Variants in CDK12 observed in about 807,000 individuals in gnomAD.
The protein encoded by CDK12 is cyclin-dependent kinase 12.
CDK12 carries 17 observed loss-of-function variants against 133.8 expected under a neutral mutation model. The ratio of observed to expected loss-of-function variants is 0.13; its 90% CI spans 0.09 to 0.19. The LOEUF is 0.19. Among genes scored for constraint, CDK12 ranks in the 10% least tolerant of loss-of-function variants. The pLI is 1.00. For synonymous variants in CDK12, 694 were observed against 683.6 expected, an observed-to-expected ratio of 1.02 and a Z score of -0.24; for missense variants, 1,508 against 1,818.7, an observed-to-expected ratio of 0.83 and a Z score of 3.11.
rs751543220 is a variant in CDK12 at position 39,533,012 on chromosome 17, T to A, written c.*1696T>A. On this transcript the variant is annotated 3_prime_UTR_variant, in exon 14 of 14. Coordinates refer to ENST00000447079, the MANE Select transcript of CDK12 (RefSeq NM_016507.4). Reference sequence around the variant, plus strand: ...TAGTTTTCAAAACTCAAGTTTCATGTTTCAATGCCAAGTTCTTATTTTAAA... The same window carrying A: ...TAGTTTTCAAAACTCAAGTTTCATGATTCAATGCCAAGTTCTTATTTTAAA... 6 of 232,822 alleles carry A rather than the reference T, an allele frequency of 2.6e-5. No individual in the cohort carries two copies. Among genetic ancestry groups the A allele is most frequent in the Non-Finnish European group, 5.1e-5 (6 of 117,848 alleles). The allele number at this position is 232,822 out of a possible 1,614,324, so 14.4% of individuals were successfully genotyped here. A position where few individuals can be genotyped will look rare whatever the true frequency, so the allele number is the denominator to read the frequency against.
At chr17:39,566,215 T>C (rs2056568592), downstream of CDK12, among the ~76,000 whole-genome samples, 1 of 152,158 alleles carries the variant, frequency 6.6e-6, no homozygotes, top group South Asian at 2.1e-4. Flanking sequence ...AAGGTCTGAT[T>C]GCTAGGGAGA....
chr17:39,493,033 C>T (rs921688502), intron 4 of CDK12, 143 bp downstream of exon 4: 5 of 725,290 alleles, frequency 6.9e-6, no homozygotes, highest in African/African-American at 3.6e-5. Context: ...AGTCTTGCTC[C>T]CCAGGCTGGA....
intron 2 of CDK12, among the ~76,000 whole-genome samples, chr17:39,473,314 A>C (rs1567691049): frequency 6.6e-6 from 1 of 152,232 alleles, no homozygotes; most frequent in African/African-American, 2.4e-5. Context: ...AATAATATGT[A>C]AAGTATTTGC....
intron 3 of CDK12, among the ~76,000 whole-genome samples, chr17:39,491,267 G>A (rs989115981): frequency 6.6e-6 from 1 of 152,012 alleles, no homozygotes; most frequent in African/African-American, 2.4e-5. Context: ...ACAGAGTTGC[G>A]TTCTTTGTTG....
At chr17:39,555,326 G>A (rs1313783265) in intron 2 of CDK12, among the ~76,000 whole-genome samples, 1 of 151,818 alleles carries the variant, frequency 6.6e-6, no homozygotes, top group Admixed American at 6.6e-5. Flanking sequence ...GAGGAGGAGG[G>A]TTCTGTGACA....
chr17:39,551,309 C>T (rs1374832485), intron 2 of CDK12, among the ~76,000 whole-genome samples: 2 of 152,168 alleles, frequency 1.3e-5, no homozygotes, highest in African/African-American at 4.8e-5. Flanking sequence ...TTCCTCTATA[C>T]AGCTTGTTCC....
intron 3 of CDK12, among the ~76,000 whole-genome samples, chr17:39,558,214 A>G (rs533177541): frequency 6.6e-6 from 1 of 152,300 alleles, no homozygotes; most frequent in South Asian, 2.1e-4. Context: ...AGTAGTCCCA[A>G]TACTTGACTC....
chr17:39,487,005 C>T (rs530959895), intron 2 of CDK12, among the ~76,000 whole-genome samples: 9 of 151,680 alleles, frequency 5.9e-5, no homozygotes, highest in African/African-American at 2.2e-4. Context: ...GAGACTCCGT[C>T]TCAAAAAAAA....
At chr17:39,518,978 T>G (rs1412899319) in intron 10 of CDK12, among the ~76,000 whole-genome samples, 1 of 152,208 alleles carries the variant, frequency 6.6e-6, no homozygotes, top group Non-Finnish European at 1.5e-5. Flanking sequence ...CTCGGCTCAC[T>G]GCAACCTCCG....
At chr17:39,476,711 C>CTTTTTTTTGTTTTTT (rs2050225809) in intron 2 of CDK12, among the ~76,000 whole-genome samples, 1 of 84,516 alleles carries the variant, frequency 1.2e-5, no homozygotes. Flanking sequence ...CCATGCCTGC[C>CTTTTTTTTGTTTTTT]TTTTTTTTTT....
intron 5 of CDK12, among the ~76,000 whole-genome samples, chr17:39,498,096 G>A (rs978231080): frequency 6.6e-6 from 1 of 151,398 alleles, no homozygotes; most frequent in African/African-American, 2.4e-5. Flanking sequence ...TGAACTCCTG[G>A]GTTCAAGGGA....
chr17:39,510,670 A>G lies in CDK12; in HGVS notation c.2667-859A>G, dbSNP rs577797437. ...CTCTTGTTGCCCAGGCTGGAGTGCA[A>G]TGGCACAATCTTGGCTCACTGAAAC... On this transcript the variant is annotated intron_variant, in intron 7 of 13. Transcript: ENST00000447079. Among the ~76,000 whole-genome samples, 5 of 150,026 alleles carry G rather than the reference A, an allele frequency of 3.3e-5. No individual in the cohort carries two copies. In the East Asian group the frequency reaches 6.1e-4, roughly 18 times the overall value.
rs2054860533 is a variant in CDK12 at position 39,531,790 on chromosome 17, A to G, written c.*474A>G. ...TTTTCCTTTAAAGAGAATAGTGTTC[A>G]CAAAATTTGAGCTGCTCTTTGGCTT... On this transcript the variant is annotated 3_prime_UTR_variant, in exon 14 of 14. Transcript: ENST00000447079. 4.3e-6 allele frequency: 1 copy of G among 234,682 alleles called. No individual in the cohort carries two copies. The highest frequency in any genetic ancestry group is 1.8e-4 in the South Asian group (1 of 5,544). The allele number at this position is 234,682 out of a possible 1,614,324, so 14.5% of individuals were successfully genotyped here.
At position 39,526,045 on chromosome 17, in the gene CDK12, T is replaced by C. The variant is rs2054477133; in HGVS notation, c.3489T>C (p.Ala1163=). 1 of 1,614,084 alleles carries C rather than the reference T, an allele frequency of 6.2e-7. No homozygotes were observed. Among genetic ancestry groups the C allele is most frequent in the Non-Finnish European group, 8.5e-7 (1 of 1,180,046 alleles). ...AATCCATCAGTGCCCTGACGGAAGC[T>C]ACTTCCCAGCAGCAGGACTCAGAGA... The part of the protein sequence containing the change: ...LNQSISALTE[A]TSQQQDSETM... The change falls in exon 13 of 14, where the codon GCT becomes GCC. Residue 1163 remains alanine, a synonymous_variant. Transcript: ENST00000447079.
chr17:39,484,741 A>G (rs2050978896), intron 2 of CDK12, among the ~76,000 whole-genome samples: 1 of 152,148 alleles, frequency 6.6e-6, no homozygotes, highest in African/African-American at 2.4e-5. Flanking sequence ...AAATCCTCCA[A>G]AATCAGGAAC....
Position 39,532,140 on chromosome 17 carries a change from C to CTCTCTCTCTCTCTGTCTG in CDK12, c.*827_*828insCTCTCTCTCTGTCTGTCT, listed in dbSNP as rs1184631339. On this transcript the variant is annotated 3_prime_UTR_variant, in exon 14 of 14. Coordinates refer to ENST00000447079, the MANE Select transcript of CDK12 (RefSeq NM_016507.4). ...TCTCTCTCTCTCTCTCTCTCTCTCTCTCTGTCTCGCTTGCTCGCTCTCGCT... is the reference window on the plus strand; with the variant it reads ...TCTCTCTCTCTCTCTCTCTCTCTCTCTCTCTCTCTCTCTGTCTGTCTGTCTCGCTTGCTCGCTCTCGCT... 2 of 218,854 alleles carry CTCTCTCTCTCTCTGTCTG rather than the reference C, an allele frequency of 9.1e-6. No individual in the cohort carries two copies. The highest frequency in any genetic ancestry group is 1.8e-5 in the Non-Finnish European group (2 of 112,142). The allele number at this position is 218,854 out of a possible 1,614,324, so 13.6% of individuals were successfully genotyped here.
In CDK12 at chr17:39,476,711, C is replaced by CTTTTTTTTTTTTTTTTT. The variant is rs879840168; in HGVS notation, c.1931+4961_1931+4977dup. ...TACAGGCATGAGCCACCATGCCTGC[C>CTTTTTTTTTTTTTTTTT]TTTTTTTTTTTTTTTTTTTTTTTTT... On this transcript the variant is annotated intron_variant, in intron 2 of 13. Coordinates refer to ENST00000447079, the MANE Select transcript of CDK12 (RefSeq NM_016507.4). 9.0e-4 allele frequency among the ~76,000 whole-genome samples: 76 copies of CTTTTTTTTTTTTTTTTT among 84,522 alleles called. 8 individuals carry two copies. The highest frequency in any genetic ancestry group is 1.9e-3 in the East Asian group (5 of 2,658). 55.4% of individuals were successfully genotyped at this position (84,522 alleles called of 152,430 possible).
At chr17:39,517,736 G>A (rs915236028) in intron 10 of CDK12, among the ~76,000 whole-genome samples, 180 bp downstream of exon 10, 10 of 152,276 alleles carry the variant, frequency 6.6e-5, no homozygotes, top group Admixed American at 5.2e-4. Flanking sequence ...TTTCTCTTCT[G>A]AAGGCTTTAG....
At chr17:39,488,877 G>A (rs745690019) in intron 2 of CDK12, among the ~76,000 whole-genome samples, 6 of 151,780 alleles carry the variant, frequency 4.0e-5, no homozygotes. Flanking sequence ...CAGGACTGCC[G>A]GTTGCCATCT....
Sources: gnomAD v4.1 joint callset for allele counts (sites outside exome capture counted in the v4.1 genomes callset) on GRCh38, gnomAD v4.1.1 for gene constraint, MANE v1.5 for transcripts, NCBI Gene and HGNC (gene_info 2026-07-23, HGNC 2026-07-21) for gene names.